MYO9B: variants seen among roughly 807,000 people sequenced by gnomAD.
MYO9B encodes the protein myosin IXB.
In MYO9B, 71 loss-of-function variants were observed where a neutral mutation model predicts 229.5. The ratio of observed to expected loss-of-function variants is 0.31; its 90% CI spans 0.26 to 0.38. The LOEUF (loss-of-function observed/expected upper bound fraction) is 0.38, where lower values mean the gene tolerates loss of function less well. MYO9B is among the 10% of genes least tolerant of loss of function. The pLI, the probability that MYO9B is intolerant of heterozygous loss-of-function variation, is 1.00. For missense variants in MYO9B, 2,255 were observed against 2,920.5 expected, an observed-to-expected ratio of 0.77 and a Z score of 5.25; for synonymous variants, 1,185 against 1,235.8, an observed-to-expected ratio of 0.96 and a Z score of 0.86.
intron 1 of MYO9B, among the ~76,000 whole-genome samples, chr19:17,081,351 A>G (rs2057532401): frequency 6.6e-6 from 1 of 152,194 alleles, no homozygotes; most frequent in Non-Finnish European, 1.5e-5. Context: ...TAGATAATAT[A>G]GGAACCTGGA....
intron 2 of MYO9B, among the ~76,000 whole-genome samples, chr19:17,129,143 G>A (rs1305845010): frequency 6.6e-6 from 1 of 151,984 alleles, no homozygotes; most frequent in Non-Finnish European, 1.5e-5. Flanking sequence ...TCACACCTGC[G>A]ATCCCAGCAC....
At chr19:17,110,914 G>A (rs1053879883) in intron 2 of MYO9B, among the ~76,000 whole-genome samples, 6 of 152,096 alleles carry the variant, frequency 3.9e-5, no homozygotes, top group Admixed American at 3.9e-4. Context: ...CCTGGACCGG[G>A]TCCTGAGCTC....
intron 1 of MYO9B, among the ~76,000 whole-genome samples, chr19:17,084,183 C>A (rs1267750642): frequency 6.6e-6 from 1 of 151,856 alleles, no homozygotes; most frequent in Non-Finnish European, 1.5e-5. Flanking sequence ...AAAAAAGATA[C>A]AAAAATTAGC....
At chr19:17,182,763 C>G (rs775988885) in intron 15 of MYO9B, among the ~76,000 whole-genome samples, 4 of 152,152 alleles carry the variant, frequency 2.6e-5, no homozygotes, top group Non-Finnish European at 5.9e-5. Context: ...CTACAAGTTA[C>G]CATCTCCTTA....
Position 17,172,224 on chromosome 19 carries a change from G to T in MYO9B, c.1794-112G>T. Reference sequence around the variant, plus strand: ...GAGCCCTGTGCCACTTCACTGCTCTGCCCACCCCATGCACCCACCCACCTC... The same window carrying T: ...GAGCCCTGTGCCACTTCACTGCTCTTCCCACCCCATGCACCCACCCACCTC... On this transcript the variant is annotated intron_variant, in intron 11 of 39. Transcript: ENST00000682292. This position sits in a 1 kb window ranked among gnomAD's most constrained non-coding sequence, Gnocchi z 8.2. The T allele has an allele frequency of 7.3e-7, 1 of 1,372,730 alleles. No individual in the cohort carries two copies. The allele number at this position is 1,372,730 out of a possible 1,614,324, so 85.0% of individuals were successfully genotyped here.
intron 1 of MYO9B, among the ~76,000 whole-genome samples, chr19:17,081,962 G>A (rs576043075): frequency 1.2e-4 from 18 of 152,172 alleles, no homozygotes; most frequent in African/African-American, 4.1e-4. Flanking sequence ...GGCATGGGGC[G>A]GGGGTATATC....
rs145261838 is a variant in MYO9B at position 17,117,119 on chromosome 19, T to C, written c.840+14562T>C. On this transcript the variant is annotated intron_variant, in intron 2 of 39. Transcript: ENST00000682292. ...GCCACAGCCCTGCCCTCCCCAAATG[T>C]TCTGGGGGTTTTACTGCTCCAGGGT... is the stretch of plus-strand genomic sequence containing the variant. 2.0e-3 allele frequency among the ~76,000 whole-genome samples: 312 copies of C among 152,252 alleles called. 3 individuals are homozygous for C. Among genetic ancestry groups the C allele is most frequent in the African/African-American group, 6.9e-3 (288 of 41,554 alleles).
chr19:17,178,688 A>C (rs1287752464), intron 14 of MYO9B, among the ~76,000 whole-genome samples: 2 of 152,144 alleles, frequency 1.3e-5, no homozygotes, highest in Non-Finnish European at 2.9e-5. Flanking sequence ...GCCATCAAAC[A>C]AAATGAAGCG....
chr19:17,196,373 G>A (rs7254604), intron 22 of MYO9B, among the ~76,000 whole-genome samples: 1 of 151,728 alleles, frequency 6.6e-6, no homozygotes, highest in Non-Finnish European at 1.5e-5. Flanking sequence ...GGATGATACA[G>A]ATGATGGGGA....
chr19:17,134,370 TCG>T (rs368915131), intron 2 of MYO9B, among the ~76,000 whole-genome samples: 4 of 145,290 alleles, frequency 2.8e-5, no homozygotes, highest in African/African-American at 5.2e-5. Flanking sequence ...GTTTTTTTTT[TCG>T]TTTTGTTTGT....
At position 17,202,411 on chromosome 19, in the gene MYO9B, CCCAT is replaced by C; in HGVS notation, c.4836+109_4836+112del. 5 of 1,121,266 alleles carry C rather than the reference CCCAT, an allele frequency of 4.5e-6. No homozygotes were observed. The South Asian group carries it at 7.5e-5, about 17-fold the overall frequency. The allele number at this position is 1,121,266 out of a possible 1,614,324, so 69.5% of individuals were successfully genotyped here. A position where few individuals can be genotyped will look rare whatever the true frequency, so the allele number is the denominator to read the frequency against. On this transcript the variant is annotated intron_variant, in intron 28 of 39. Coordinates refer to ENST00000682292, the MANE Select transcript of MYO9B (RefSeq NM_004145.4). ...CCTCACCATGCTTATGCCACACCCA[CCCAT>C]GCCCTGCCCATACCACAGCCACTGT...
intron 1 of MYO9B, among the ~76,000 whole-genome samples, chr19:17,080,932 T>C (rs114802019): frequency 0.012 from 1,790 of 152,072 alleles, 44 homozygotes; most frequent in African/African-American, 0.04. Flanking sequence ...AGGATTTCAA[T>C]ATGTGAATAT....
At position 17,181,051 on chromosome 19, in the gene MYO9B, C is replaced by T. The variant is rs759991723; in HGVS notation, c.2333+11C>T. ...CCGCGCCTTCATCCTGTGAGTCCCC[C>T]ACCAAGGCCCTGCTTACAAGTGCGA... On this transcript the variant is annotated intron_variant, in intron 15 of 39. Coordinates refer to ENST00000682292, the MANE Select transcript of MYO9B (RefSeq NM_004145.4). The T allele has an allele frequency of 1.9e-6, 3 of 1,578,618 alleles. No homozygotes were observed. Among genetic ancestry groups the T allele is most frequent in the Non-Finnish European group, 1.7e-6 (2 of 1,153,878 alleles).
At chr19:17,158,310 G>A (rs1174807798) in intron 7 of MYO9B, among the ~76,000 whole-genome samples, 2 of 152,150 alleles carry the variant, frequency 1.3e-5, no homozygotes, top group Non-Finnish European at 2.9e-5. Context: ...GGTGGCTCAC[G>A]CCTGTAATCC....
intron 1 of MYO9B, among the ~76,000 whole-genome samples, chr19:17,090,632 C>T (rs2057628662): frequency 1.3e-5 from 2 of 152,138 alleles, no homozygotes; most frequent in South Asian, 2.1e-4. Context: ...AGGCCTTGGT[C>T]GTACTGATGC....
At chr19:17,161,514 A>C (rs1343490095) in intron 8 of MYO9B, among the ~76,000 whole-genome samples, 1 of 151,904 alleles carries the variant, frequency 6.6e-6, no homozygotes, top group East Asian at 1.9e-4. Context: ...CCCCGTCTCC[A>C]CAATAAAATT....
chr19:17,076,498 G>C (rs1004278268), intron 1 of MYO9B, among the ~76,000 whole-genome samples: 8 of 152,070 alleles, frequency 5.3e-5, no homozygotes, highest in African/African-American at 9.7e-5. Flanking sequence ...TAGGGAGGGA[G>C]GGCCCGGAGA....
At chr19:17,174,455 T>C (rs1319329290) in intron 13 of MYO9B, among the ~76,000 whole-genome samples, 5 of 151,834 alleles carry the variant, frequency 3.3e-5, no homozygotes, top group African/African-American at 1.2e-4. Flanking sequence ...ACCAACATGG[T>C]GAAAGCCCAT....
At chr19:17,138,399 C>T (rs746765180) in intron 2 of MYO9B, among the ~76,000 whole-genome samples, 1 of 152,106 alleles carries the variant, frequency 6.6e-6, no homozygotes, top group South Asian at 2.1e-4. Context: ...GATTTATAAT[C>T]CTTTGGGTAT....
Sources: allele counts gnomAD v4.1 joint callset (sites outside exome capture counted in the v4.1 genomes callset), GRCh38; gene constraint gnomAD v4.1.1; non-coding constraint Gnocchi (gnomAD v3.1); transcripts MANE v1.5; gene names NCBI Gene and HGNC (gene_info 2026-07-23, HGNC 2026-07-21).